Variants in ADAM19 observed in about 807,000 individuals in gnomAD.
ADAM19 encodes ADAM metallopeptidase domain 19.
A neutral mutation model predicts 114.7 loss-of-function variants in ADAM19; 65 were observed. The observed-to-expected ratio is 0.57, with a 90% CI of 0.46 to 0.70. The LOEUF (loss-of-function observed/expected upper bound fraction) is 0.70, where lower values mean the gene tolerates loss of function less well. Among genes scored for constraint, ADAM19 ranks in the 30% least tolerant of loss-of-function variants. ADAM19 has a pLI of 0.00. For synonymous variants in ADAM19, 466 were observed against 460.5 expected (o/e 1.01, Z -0.15); for missense variants, 1,063 against 1,204.7 (o/e 0.88, Z 1.74).
rs989322432 is a variant in ADAM19 at position 157,575,760 on chromosome 5, C to A, written c.-64G>T. ...TCAGCCATACCTGCCCACTGCCCGG[C>A]GGTGGAGGCGCGTCTGGAACCCCCC... On this transcript the variant is annotated 5_prime_UTR_variant, in exon 1 of 23. Coordinates refer to ENST00000257527, the MANE Select transcript of ADAM19 (RefSeq NM_033274.5). The A allele has an allele frequency of 1.4e-5, 17 of 1,181,758 alleles. No homozygotes were observed. The African/African-American group carries it at 2.5e-4, about 18-fold the overall frequency. 73.2% of individuals were successfully genotyped at this position (1,181,758 alleles called of 1,614,324 possible).
intron 3 of ADAM19, among the ~76,000 whole-genome samples, chr5:157,559,443 A>G (rs1757455299): frequency 6.6e-6 from 1 of 152,228 alleles, no homozygotes; most frequent in Admixed American, 6.5e-5. Context: ...TGATCTTGTA[A>G]TAGAGTGATC....
At chr5:157,498,507 G>T (rs1160029696) in intron 13 of ADAM19, among the ~76,000 whole-genome samples, 1 of 152,210 alleles carries the variant, frequency 6.6e-6, no homozygotes, top group African/African-American at 2.4e-5. Context: ...CTAAGTATGT[G>T]AATGGTATCT....
In ADAM19 at chr5:157,519,840, C is replaced by T. The variant is rs1419573348; in HGVS notation, c.599G>A (p.Arg200Lys). The T allele has an allele frequency of 6.2e-7, 1 of 1,608,952 alleles. No individual in the cohort carries two copies. Among genetic ancestry groups the T allele is most frequent in the Non-Finnish European group, 8.5e-7 (1 of 1,176,672 alleles). Residue 200 changes from arginine (R) to lysine (K), a missense_variant and splice_region_variant, in exon 6 of 23, where the codon AGG becomes AAG. By Grantham distance (26) the Arg-to-Lys change is conservative. This residue lies in a region of ADAM19 where 615 missense variants were observed against 706.3 expected (regional missense o/e 0.87). Coordinates refer to ENST00000257527, the MANE Select transcript of ADAM19 (RefSeq NM_033274.5). ...FTQQTKKRPR[R>K]MKREDLNSMK... is the part of the protein sequence containing the mutation. ...TGCACTGAGAGCCTCAAAACTCACCCTGCGAGGTCGCTTCTTGGTCTGTTG... is the reference window on the plus strand; with the variant it reads ...TGCACTGAGAGCCTCAAAACTCACCTTGCGAGGTCGCTTCTTGGTCTGTTG...
At chr5:157,547,404 A>T (rs1757078163) in intron 3 of ADAM19, among the ~76,000 whole-genome samples, 1 of 152,218 alleles carries the variant, frequency 6.6e-6, no homozygotes, top group Non-Finnish European at 1.5e-5. Context: ...TGATTAGGCC[A>T]TGAGGGCTCC....
chr5:157,539,784 G>A (rs1756867928), intron 3 of ADAM19, among the ~76,000 whole-genome samples: 1 of 152,142 alleles, frequency 6.6e-6, no homozygotes, highest in Non-Finnish European at 1.5e-5. Context: ...CCATTTGCCT[G>A]AGGGAGAAAA....
In ADAM19 at chr5:157,540,280, G is replaced by A. The variant is rs949259895; in HGVS notation, c.252-2289C>T. ...CATCACTTAAGAGAGGTGGTAAAACGCAATGTGCTCATTCCTGCAGCCCAT... is the reference window on the plus strand; with the variant it reads ...CATCACTTAAGAGAGGTGGTAAAACACAATGTGCTCATTCCTGCAGCCCAT... On this transcript the variant is annotated intron_variant, in intron 3 of 22. Coordinates refer to ENST00000257527, the MANE Select transcript of ADAM19 (RefSeq NM_033274.5). 5.3e-5 allele frequency among the ~76,000 whole-genome samples: 8 copies of A among 152,310 alleles called. No homozygotes were observed. In the East Asian group the frequency reaches 1.3e-3, roughly 26 times the overall value.
At chr5:157,492,325 G>C (rs185331257) in intron 16 of ADAM19, among the ~76,000 whole-genome samples, 54 of 152,206 alleles carry the variant, frequency 3.5e-4, no homozygotes, top group Admixed American at 1.0e-3. Flanking sequence ...CAAATAGGCA[G>C]CACACTTCAG....
At chr5:157,481,356 T>G (rs1253360737) in intron 22 of ADAM19, 1 of 580,670 alleles carries the variant, frequency 1.7e-6, no homozygotes, top group Non-Finnish European at 3.0e-6. Flanking sequence ...AAACTGAGAC[T>G]GTCAGCCACA....
At chr5:157,547,644 T>C (rs1354228861) in intron 3 of ADAM19, among the ~76,000 whole-genome samples, 2 of 152,216 alleles carry the variant, frequency 1.3e-5, no homozygotes, top group Non-Finnish European at 2.9e-5. Context: ...GATTCTGTTT[T>C]GCCAATGCAA....
At chr5:157,482,096 C>T (rs1237006320) in intron 21 of ADAM19, among the ~76,000 whole-genome samples, 153 bp from the exon 22 acceptor site, 13 of 152,196 alleles carry the variant, frequency 8.5e-5, no homozygotes. Context: ...TGTTTATATT[C>T]TCAAGAGGAA....
chr5:157,519,698 C>G (rs968282489), intron 6 of ADAM19, 141 bp downstream of exon 6: 5 of 788,592 alleles, frequency 6.3e-6, no homozygotes, highest in Non-Finnish European at 9.9e-6. Context: ...TCAACAATGA[C>G]AGAATAAAAG....
chr5:157,480,013 G>A lies in ADAM19; in HGVS notation c.*936C>T, dbSNP rs888150621. On this transcript the variant is annotated 3_prime_UTR_variant, in exon 23 of 23. Coordinates refer to ENST00000257527, the MANE Select transcript of ADAM19 (RefSeq NM_033274.5). ...TGGTCACACTCCTGAGAGCCAGTGA[G>A]GGAAATCCAGTGGCCGACTGTGAGA... is the stretch of plus-strand genomic sequence containing the variant. 25 of 985,846 alleles carry A rather than the reference G, an allele frequency of 2.5e-5. No individual in the cohort carries two copies. Among genetic ancestry groups the A allele is most frequent in the Non-Finnish European group, 3.0e-5 (25 of 830,006 alleles). The allele number at this position is 985,846 out of a possible 1,614,324, so 61.1% of individuals were successfully genotyped here.
At chr5:157,521,110 G>C (rs1662701073) in intron 5 of ADAM19, among the ~76,000 whole-genome samples, 1 of 152,216 alleles carries the variant, frequency 6.6e-6, no homozygotes, top group Non-Finnish European at 1.5e-5. Flanking sequence ...GGAGGCAGCT[G>C]CTTCAACTGT....
chr5:157,533,309 C>T (rs1357733519), intron 4 of ADAM19, among the ~76,000 whole-genome samples: 3 of 152,230 alleles, frequency 2.0e-5, no homozygotes, highest in Non-Finnish European at 4.4e-5. Context: ...TTAAACAAGT[C>T]AGATGCCACC....
intron 8 of ADAM19, among the ~76,000 whole-genome samples, chr5:157,511,147 C>T (rs974080266): frequency 5.9e-5 from 9 of 152,122 alleles, no homozygotes; most frequent in African/African-American, 1.4e-4. Context: ...GTGGATACAA[C>T]GGGTTCTTTG....
intron 9 of ADAM19, 126 bp downstream of exon 9, chr5:157,509,175 T>C: frequency 1.0e-6 from 1 of 953,346 alleles, no homozygotes; most frequent in Non-Finnish European, 1.5e-6. Context: ...CCTGATTCTC[T>C]GGACCAGGGA....
intron 4 of ADAM19, among the ~76,000 whole-genome samples, chr5:157,532,904 C>T (rs537449656): frequency 6.6e-6 from 1 of 152,224 alleles, no homozygotes; most frequent in Non-Finnish European, 1.5e-5. Context: ...TGTCTTTAGC[C>T]TCTGTACCCC....
chr5:157,563,162 C>T (rs2113792852), intron 3 of ADAM19, among the ~76,000 whole-genome samples: 1 of 152,118 alleles, frequency 6.6e-6, no homozygotes, highest in Non-Finnish European at 1.5e-5. Flanking sequence ...CGCAGCTGGC[C>T]AGGTCTATTC....
rs185443172 is a variant in ADAM19 at position 157,540,325 on chromosome 5, A to G, written c.252-2334T>C. 8.0e-4 allele frequency among the ~76,000 whole-genome samples: 122 copies of G among 152,314 alleles called. 1 individual carries two copies. Among genetic ancestry groups the G allele is most frequent in the African/African-American group, 2.8e-3 (117 of 41,574 alleles). Reference sequence around the variant, plus strand: ...GCCCATTTCCTGGGTTTGCTTTCACAGACTGCGCCATGTACAGCTGGTCAG... The same window carrying G: ...GCCCATTTCCTGGGTTTGCTTTCACGGACTGCGCCATGTACAGCTGGTCAG... On this transcript the variant is annotated intron_variant, in intron 3 of 22. Coordinates refer to ENST00000257527, the MANE Select transcript of ADAM19 (RefSeq NM_033274.5).
Sources: allele counts gnomAD v4.1 joint callset (sites outside exome capture counted in the v4.1 genomes callset), GRCh38; gene constraint gnomAD v4.1.1; regional missense constraint gnomAD v4.1.1; transcripts MANE v1.5; gene names NCBI Gene and HGNC (gene_info 2026-07-23, HGNC 2026-07-21).